GPR4: variants seen among roughly 807,000 people sequenced by gnomAD.
GPR4 encodes the protein G-prodeshotein coupled receptor 4.
In GPR4, 11 loss-of-function variants were observed where a neutral mutation model predicts 17.8. The ratio of observed to expected loss-of-function variants is 0.62; its 90% CI spans 0.39 to 1.02. GPR4 has a LOEUF of 1.02. Among genes scored for constraint, GPR4 ranks in the 50% least tolerant of loss-of-function variants. The pLI, the probability that GPR4 is intolerant of heterozygous loss-of-function variation, is 0.00. For missense variants in GPR4, 364 were observed against 495.4 expected, an observed-to-expected ratio of 0.73 and a Z score of 2.52; for synonymous variants, 219 against 222.8, an observed-to-expected ratio of 0.98 and a Z score of 0.15.
In GPR4 at chr19:45,594,078, A is replaced by ATATATATTTTTTATATATATTT. The variant is rs1555738344; in HGVS notation, c.-831-1382_-831-1381insAAATATATATAAAAAATATATA. ...AAAAAAAAAAAATATATATATATATATATATATATATATATAAAATAGATG... is the reference window on the plus strand; with the variant it reads ...AAAAAAAAAAAATATATATATATATATATATATTTTTTATATATATTTTATATATATATATATAAAATAGATG... On this transcript the variant is annotated intron_variant, in intron 1 of 1. Transcript: ENST00000323040. 2.7e-4 allele frequency among the ~76,000 whole-genome samples: 20 copies of ATATATATTTTTTATATATATTT among 74,572 alleles called. 2 individuals carry two copies. Among genetic ancestry groups the ATATATATTTTTTATATATATTT allele is most frequent in the African/African-American group, 1.6e-3 (19 of 12,240 alleles). 48.9% of individuals were successfully genotyped at this position (74,572 alleles called of 152,430 possible).
intron 1 of GPR4, among the ~76,000 whole-genome samples, chr19:45,596,205 T>C (rs1426249949): frequency 1.6e-5 from 1 of 63,950 alleles, no homozygotes; most frequent in East Asian, 5.4e-4. Flanking sequence ...CTTTTCTTCT[T>C]TTTTTTTTTT....
Position 45,592,134 on chromosome 19 carries a change from G to C in GPR4, c.-268C>G, listed in dbSNP as rs182612555. The C allele has an allele frequency of 1.4e-5, 6 of 421,750 alleles. No individual in the cohort carries two copies. The highest frequency in any genetic ancestry group is 2.7e-5 in the Non-Finnish European group (6 of 225,934). The allele number at this position is 421,750 out of a possible 1,614,324, so 26.1% of individuals were successfully genotyped here. ...TGAGATTAATAAAGAGGTTTTTCAA[G>C]GAGGTTATGTATGGAGTCAGTGTGT... is the stretch of plus-strand genomic sequence containing the variant. On this transcript the variant is annotated 5_prime_UTR_variant, in exon 2 of 2. Coordinates refer to ENST00000323040, the MANE Select transcript of GPR4 (RefSeq NM_005282.3).
intron 1 of GPR4, among the ~76,000 whole-genome samples, chr19:45,597,919 C>T (rs1283411845): frequency 6.6e-6 from 1 of 152,154 alleles, no homozygotes; most frequent in Non-Finnish European, 1.5e-5. Flanking sequence ...GCTGCCTCCC[C>T]CACCCCAGAC....
chr19:45,599,426 A>ACCC (rs374400386), intron 1 of GPR4, among the ~76,000 whole-genome samples: 1 of 79,524 alleles, frequency 1.3e-5, no homozygotes, highest in African/African-American at 4.9e-5. Context: ...TGCTCCCACC[A>ACCC]CCCCCCCCTC....
At position 45,591,944 on chromosome 19, in the gene GPR4, G is replaced by A; in HGVS notation, c.-78C>T. 1 of 1,441,634 alleles carries A rather than the reference G, an allele frequency of 6.9e-7. No individual in the cohort carries two copies. The highest frequency in any genetic ancestry group is 9.3e-7 in the Non-Finnish European group (1 of 1,075,200). The allele number at this position is 1,441,634 out of a possible 1,614,324, so 89.3% of individuals were successfully genotyped here. ...GCCACAGGGAGCGGGAGGCCATGGG[G>A]CCCCCTGAGCCCCTTCCTTGGAGGC... On this transcript the variant is annotated 5_prime_UTR_variant, in exon 2 of 2. Coordinates refer to ENST00000323040, the MANE Select transcript of GPR4 (RefSeq NM_005282.3). The surrounding 1 kb of genome is among the most constrained non-coding windows in gnomAD (Gnocchi z 7.6).
In GPR4 at chr19:45,591,478, C is replaced by T; in HGVS notation, c.389G>A (p.Arg130His). The T allele has an allele frequency of 1.2e-6, 2 of 1,611,004 alleles. No individual in the cohort carries two copies. Among genetic ancestry groups the T allele is most frequent in the African/African-American group, 1.3e-5 (1 of 74,876 alleles). The change falls in exon 2 of 2, where the codon CGC (arginine) becomes CAC (histidine). Residue 130 changes from arginine to histidine, a missense_variant. By Grantham distance (29) the Arg-to-His change is conservative (BLOSUM62 0). Coordinates refer to ENST00000323040, the MANE Select transcript of GPR4 (RefSeq NM_005282.3). The surrounding 1 kb of genome is among the most constrained non-coding windows in gnomAD (Gnocchi z 7.6). ...AHPLRFARLRRVKTAVAVSSV... is the reference protein window; with the variant it reads ...AHPLRFARLRHVKTAVAVSSV... ...GCTCACGGCCACGGCGGTCTTGACGCGGCGCAGGCGGGCGAAGCGGAGTGG... is the reference window on the plus strand; with the variant it reads ...GCTCACGGCCACGGCGGTCTTGACGTGGCGCAGGCGGGCGAAGCGGAGTGG...
chr19:45,600,253 C>T (rs1049444705), intron 1 of GPR4, among the ~76,000 whole-genome samples: 2 of 152,138 alleles, frequency 1.3e-5, no homozygotes, highest in Non-Finnish European at 2.9e-5. Context: ...CAGCCCTCCC[C>T]GCTCACACCA....
chr19:45,595,015 G>A (rs1469753045), intron 1 of GPR4, among the ~76,000 whole-genome samples: 1 of 151,258 alleles, frequency 6.6e-6, no homozygotes, highest in Non-Finnish European at 1.5e-5. Flanking sequence ...GGTGGCTCAC[G>A]CCTGTAATCC....
intron 1 of GPR4, among the ~76,000 whole-genome samples, chr19:45,592,986 G>A (rs1970014001): frequency 6.6e-6 from 1 of 151,876 alleles, no homozygotes; most frequent in Non-Finnish European, 1.5e-5. Context: ...GAGCCTAGGA[G>A]TTCAAGACCA....
rs1600016133 is a variant in GPR4 at position 45,590,333 on chromosome 19, T to A, written c.*445A>T. The A allele has an allele frequency of 6.4e-6, 1 of 155,744 alleles. No individual in the cohort carries two copies. Among genetic ancestry groups the A allele is most frequent in the African/African-American group, 2.4e-5 (1 of 41,372 alleles). The allele number at this position is 155,744 out of a possible 1,614,324, so 9.6% of individuals were successfully genotyped here. On this transcript the variant is annotated 3_prime_UTR_variant, in exon 2 of 2. Coordinates refer to ENST00000323040, the MANE Select transcript of GPR4 (RefSeq NM_005282.3). The stretch of plus-strand genomic sequence containing the variant: ...CAGGAGGATCTCTTGAGCCCAGGAG[T>A]TCAAGATCAGCCTGGGAAACATAGT...
At position 45,599,055 on chromosome 19, in the gene GPR4, C is replaced by G. The variant is rs962185660; in HGVS notation, c.-832+3040G>C. Among the ~76,000 whole-genome samples, 6 of 152,280 alleles carry G rather than the reference C, an allele frequency of 3.9e-5. No homozygotes were observed. The South Asian group carries it at 1.0e-3, about 26-fold the overall frequency. ...TAGGCTCTGTTGAGGGGGTAAACCC[C>G]CAAATCTCACATCCACAAGAAGCTC... is the stretch of plus-strand genomic sequence containing the variant. On this transcript the variant is annotated intron_variant, in intron 1 of 1. Coordinates refer to ENST00000323040, the MANE Select transcript of GPR4 (RefSeq NM_005282.3).
At chr19:45,593,722 T>C (rs991369030) in intron 1 of GPR4, among the ~76,000 whole-genome samples, 29 of 151,990 alleles carry the variant, frequency 1.9e-4, no homozygotes, top group African/African-American at 6.8e-4. Flanking sequence ...TCCCTAAGGA[T>C]GCACAGCATG....
chr19:45,597,456 C>T (rs1010346420), intron 1 of GPR4, among the ~76,000 whole-genome samples: 1 of 152,180 alleles, frequency 6.6e-6, no homozygotes, highest in African/African-American at 2.4e-5. Context: ...CCCCAGGACC[C>T]TCTCCTCACA....
chr19:45,600,930 G>T (rs1185354145), intron 1 of GPR4, among the ~76,000 whole-genome samples: 1 of 152,166 alleles, frequency 6.6e-6, no homozygotes, highest in Non-Finnish European at 1.5e-5. Context: ...CACATTCAAG[G>T]TACTTGATCA....
In GPR4 at chr19:45,591,950, T is replaced by A; in HGVS notation, c.-84A>T. On this transcript the variant is annotated 5_prime_UTR_variant, in exon 2 of 2. Transcript: ENST00000323040. The surrounding 1 kb of genome is among the most constrained non-coding windows in gnomAD (Gnocchi z 7.6). ...GGGAGCGGGAGGCCATGGGGCCCCC[T>A]GAGCCCCTTCCTTGGAGGCTCAGGG... The A allele has an allele frequency of 7.0e-7, 1 of 1,433,682 alleles. No homozygotes were observed. The highest frequency in any genetic ancestry group is 9.4e-7 in the Non-Finnish European group (1 of 1,068,208). 88.8% of individuals were successfully genotyped at this position (1,433,682 alleles called of 1,614,324 possible). A position where few individuals can be genotyped will look rare whatever the true frequency, so the allele number is the denominator to read the frequency against.
At chr19:45,597,493 G>GT (rs1970069525) in intron 1 of GPR4, among the ~76,000 whole-genome samples, 2 of 152,146 alleles carry the variant, frequency 1.3e-5, no homozygotes, top group African/African-American at 4.8e-5. Flanking sequence ...GTGTCTGTCT[G>GT]CCTAGAATAG....
In GPR4 at chr19:45,591,101, A is replaced by T. The variant is rs1322820746; in HGVS notation, c.766T>A (p.Trp256Arg). 1.2e-6 allele frequency: 2 copies of T among 1,613,896 alleles called. No individual in the cohort carries two copies. The highest frequency in any genetic ancestry group is 2.2e-5 in the South Asian group (2 of 91,088). Residue 256 changes from tryptophan to arginine, a missense_variant, in exon 2 of 2, where the codon TGG becomes AGG. Transcript: ENST00000323040. The surrounding 1 kb of genome is among the most constrained non-coding windows in gnomAD (Gnocchi z 7.6). Reference protein sequence around the residue: ...SRSAIYLGRPWDCGFEERVFS... With the variant: ...SRSAIYLGRPRDCGFEERVFS... ...ACGCGCTCCTCGAAGCCGCAGTCCC[A>T]GGGGCGGCCCAGGTAGATGGCGCTG...
chr19:45,600,746 G>A (rs759365497), intron 1 of GPR4, among the ~76,000 whole-genome samples: 10 of 152,196 alleles, frequency 6.6e-5, no homozygotes, highest in African/African-American at 2.4e-4. Flanking sequence ...AGGTGGCTCC[G>A]CAAACCCTTT....
intron 1 of GPR4, among the ~76,000 whole-genome samples, chr19:45,598,154 C>T (rs1324197501): frequency 6.6e-6 from 1 of 152,152 alleles, no homozygotes; most frequent in Non-Finnish European, 1.5e-5. Flanking sequence ...TCTCCAGGAG[C>T]CTCAGTTTCT....
Sources: allele counts gnomAD v4.1 joint callset (sites outside exome capture counted in the v4.1 genomes callset), GRCh38; gene constraint gnomAD v4.1.1; non-coding constraint Gnocchi (gnomAD v3.1); transcripts MANE v1.5; gene names NCBI Gene and HGNC (gene_info 2026-07-23, HGNC 2026-07-21).